UTRN: variants seen among roughly 807,000 people sequenced by gnomAD.
The protein encoded by UTRN is utrophin, also known as dystrophin-related protein 1.
In UTRN, 283 loss-of-function variants were observed where a neutral mutation model predicts 463.9. The observed-to-expected ratio is 0.61, with a 90% CI of 0.55 to 0.67. The LOEUF is 0.67. UTRN is among the 30% of genes least tolerant of loss of function. The pLI, the probability that UTRN is intolerant of heterozygous loss-of-function variation, is 0.00. For missense variants in UTRN, 3,922 were observed against 4,084.3 expected (o/e 0.96, Z 1.08); for synonymous variants, 1,442 against 1,431.5 (o/e 1.01, Z -0.17).
At chr6:144,467,011 A>G (rs1790026017) in intron 23 of UTRN, among the ~76,000 whole-genome samples, 1 of 152,212 alleles carries the variant, frequency 6.6e-6, no homozygotes, top group African/African-American at 2.4e-5. Flanking sequence ...CACCAATACC[A>G]GAGTTGTACT....
intron 70 of UTRN, 35 bp downstream of exon 70, chr6:144,835,973 C>CT: frequency 6.2e-7 from 1 of 1,604,226 alleles, no homozygotes; most frequent in Non-Finnish European, 8.5e-7. Flanking sequence ...ATATGTCATC[C>CT]TTTCTTTTGT....
chr6:144,598,143 C>G (rs796629429), intron 51 of UTRN, among the ~76,000 whole-genome samples: 11 of 152,202 alleles, frequency 7.2e-5, no homozygotes, highest in African/African-American at 2.6e-4. Flanking sequence ...TGACCATGGC[C>G]CATGACACAG....
chr6:144,782,612 G>A (rs1586551204), intron 61 of UTRN, among the ~76,000 whole-genome samples: 1 of 143,130 alleles, frequency 7.0e-6, no homozygotes, highest in African/African-American at 2.6e-5. Context: ...TTTGCATAGT[G>A]GTTATGTGTG....
Position 144,474,744 on chromosome 6 carries a change from G to A in UTRN, c.3321G>A (p.Glu1107=), listed in dbSNP as rs1562456524. 1 of 1,612,904 alleles carries A rather than the reference G, an allele frequency of 6.2e-7. No homozygotes were observed. The highest frequency in any genetic ancestry group is 2.2e-5 in the East Asian group (1 of 44,844). ...TRLGDYQTQL[E]KLSKEIATQK... The stretch of plus-strand genomic sequence containing the variant: ...TAGGTGACTACCAAACTCAACTGGA[G>A]AAACTTAGCAAGGAGGTGAGTTTTT... The change falls in exon 25 of 75, where the codon GAG becomes GAA. Residue 1107 remains glutamate (E), a synonymous_variant. Coordinates refer to ENST00000367545, the MANE Select transcript of UTRN (RefSeq NM_007124.3).
chr6:144,549,546 C>A (rs191600113), intron 47 of UTRN, among the ~76,000 whole-genome samples: 8 of 152,098 alleles, frequency 5.3e-5, no homozygotes, highest in African/African-American at 1.9e-4. Context: ...AAGTCCACAC[C>A]GAGGCAGAGG....
At position 144,458,892 on chromosome 6, in the gene UTRN, T is replaced by C. The variant is rs763958555; in HGVS notation, c.2407T>C (p.Tyr803His). 1.9e-6 allele frequency: 3 copies of C among 1,613,930 alleles called. No homozygotes were observed. Among genetic ancestry groups the C allele is most frequent in the Admixed American group, 3.3e-5 (2 of 59,974 alleles). The change falls in exon 20 of 75, where the codon TAT (tyrosine) becomes CAT (histidine). Residue 803 changes from tyrosine (Y) to histidine (H), a missense_variant. Physicochemically the swap from Tyr to His is moderately conservative, Grantham distance 83. Transcript: ENST00000367545. ...TCAGCTACAGGAAGATATAAATGCT[T>C]ATTTCAAGCAGCTTGATGAGCTTGA... ...KIQLQEDINA[Y>H]FKQLDELEKV...
intron 50 of UTRN, among the ~76,000 whole-genome samples, chr6:144,560,987 C>G (rs148754787): frequency 6.6e-6 from 1 of 151,598 alleles, no homozygotes; most frequent in African/African-American, 2.4e-5. Flanking sequence ...AGGCCTGTCT[C>G]TAATGTTTCT....
At chr6:144,285,843 G>A (rs1238485541) in intron 1 of UTRN, 22 bp downstream of exon 1, 1 of 152,222 alleles carries the variant, frequency 6.6e-6, no homozygotes, top group Non-Finnish European at 1.5e-5. Flanking sequence ...CATTATTGAA[G>A]CCTCGGGCTG....
At chr6:144,371,497 C>T (rs990308133) in intron 2 of UTRN, among the ~76,000 whole-genome samples, 14 of 152,248 alleles carry the variant, frequency 9.2e-5, no homozygotes, top group South Asian at 4.1e-4. Flanking sequence ...CCGCAACCTC[C>T]GCCTCCCAGG....
intron 3 of UTRN, among the ~76,000 whole-genome samples, chr6:144,403,950 T>A (rs1323960196): frequency 2.0e-5 from 3 of 152,222 alleles, no homozygotes; most frequent in Admixed American, 2.0e-4. Flanking sequence ...ACTGTTGTGG[T>A]CTTTTAAATA....
chr6:144,424,517 C>G (rs1397147335), intron 6 of UTRN, among the ~76,000 whole-genome samples: 1 of 152,198 alleles, frequency 6.6e-6, no homozygotes, highest in African/African-American at 2.4e-5. Flanking sequence ...GAGCCCCTCT[C>G]TGAAGTACTG....
At chr6:144,719,801 T>G (rs920328120) in intron 53 of UTRN, among the ~76,000 whole-genome samples, 15 of 152,234 alleles carry the variant, frequency 9.9e-5, no homozygotes, top group African/African-American at 3.6e-4. Flanking sequence ...AGGAGGGTTT[T>G]AAACAGAAGA....
intron 2 of UTRN, among the ~76,000 whole-genome samples, chr6:144,359,076 G>C (rs967099096): frequency 6.6e-6 from 1 of 152,132 alleles, no homozygotes; most frequent in Non-Finnish European, 1.5e-5. Flanking sequence ...ATGGATAATA[G>C]TACAGCGAAA....
At chr6:144,424,167 C>A in intron 6 of UTRN, 89 bp downstream of exon 6, 1 of 1,359,782 alleles carries the variant, frequency 7.4e-7, no homozygotes, top group Non-Finnish European at 1.0e-6. Context: ...CCAAGTACCA[C>A]AAGCTGCTTG....
rs200400755 is a variant in UTRN, at chr6:144,697,056, TA to T, written c.7653-3029del. Among the ~76,000 whole-genome samples, 1,294 of 152,312 alleles carry T rather than the reference TA, an allele frequency of 8.5e-3. 14 individuals are homozygous for T. The highest frequency in any genetic ancestry group is 0.082 in the Middle Eastern group (24 of 294). Reference sequence around the variant, plus strand: ...GTTTTTGCATTACATTTTTTAAGAATAACTGGTCACTTAAAAATACTTATAG... The same window carrying T: ...GTTTTTGCATTACATTTTTTAAGAATACTGGTCACTTAAAAATACTTATAG... On this transcript the variant is annotated intron_variant, in intron 52 of 74. Transcript: ENST00000367545.
At chr6:144,682,966 G>A (rs531805773) in intron 52 of UTRN, among the ~76,000 whole-genome samples, 57 of 152,114 alleles carry the variant, frequency 3.7e-4, no homozygotes, top group African/African-American at 1.3e-3. Flanking sequence ...TCTCTCGGTC[G>A]GTAATGTTGG....
At chr6:144,489,913 C>T (rs1792888517) in intron 30 of UTRN, among the ~76,000 whole-genome samples, 158 bp from the exon 31 acceptor site, 1 of 152,124 alleles carries the variant, frequency 6.6e-6, no homozygotes, top group Non-Finnish European at 1.5e-5. Context: ...AGCCACCGCA[C>T]CTGGCCTACA....
intron 33 of UTRN, among the ~76,000 whole-genome samples, chr6:144,493,839 A>G (rs1793304136): frequency 6.6e-6 from 1 of 151,880 alleles, no homozygotes; most frequent in Non-Finnish European, 1.5e-5. Context: ...CAAAAACAAA[A>G]CAAATTTCCA....
Position 144,461,220 on chromosome 6 carries a change from G to C in UTRN, c.2731G>C (p.Ala911Pro). Residue 911 changes from alanine to proline, a missense_variant, in exon 22 of 75, where the codon GCA becomes CCA. Coordinates refer to ENST00000367545, the MANE Select transcript of UTRN (RefSeq NM_007124.3). ...AGAACTGAAGGGCCAACCTGGACATGCATATCTGGAAACATTGAAAACACT... is the reference window on the plus strand; with the variant it reads ...AGAACTGAAGGGCCAACCTGGACATCCATATCTGGAAACATTGAAAACACT... ...ENELKGQPGH[A>P]YLETLKTLKD... 3 of 1,597,208 alleles carry C rather than the reference G, an allele frequency of 1.9e-6. No individual in the cohort carries two copies. The highest frequency in any genetic ancestry group is 2.6e-6 in the Non-Finnish European group (3 of 1,171,486).
Sources: allele counts gnomAD v4.1 joint callset (sites outside exome capture counted in the v4.1 genomes callset), GRCh38; gene constraint gnomAD v4.1.1; transcripts MANE v1.5; gene names NCBI Gene and HGNC (gene_info 2026-07-23, HGNC 2026-07-21).